The following CCT2 variants were observed in gnomAD, a reference collection of about 807,000 sequenced individuals.
CCT2 encodes T-complex protein 1 subunit beta.
CCT2 carries 18 observed loss-of-function variants against 61.8 expected under a neutral mutation model. The ratio of observed to expected loss-of-function variants is 0.29; its 90% CI spans 0.20 to 0.43. The LOEUF (loss-of-function observed/expected upper bound fraction) is 0.43, where lower values mean the gene tolerates loss of function less well. Among genes scored for constraint, CCT2 ranks in the 20% least tolerant of loss-of-function variants. The probability of loss-of-function intolerance (pLI) is 1.00; values close to 1 mark genes in which losing one functional copy is unlikely to be tolerated. For synonymous variants in CCT2, 248 were observed against 215.9 expected (o/e 1.15, Z -1.30); for missense variants, 556 against 656.9 (o/e 0.85, Z 1.68).
Position 69,591,218 on chromosome 12 carries a change from G to A in CCT2, c.650-841G>A, listed in dbSNP as rs928883955. Among the ~76,000 whole-genome samples, 4 of 152,246 alleles carry A rather than the reference G, an allele frequency of 2.6e-5. No individual in the cohort carries two copies. The East Asian group carries it at 7.7e-4, about 29-fold the overall frequency. On this transcript the variant is annotated intron_variant, in intron 7 of 15. Transcript: ENST00000299300. ...GAGTAGAAAACCCAAGATAATGGTG[G>A]CTTCATAATGGAAAAGTTTCTAATG...
chr12:69,593,493 A>G lies in CCT2; in HGVS notation c.879-17A>G, dbSNP rs576051656. 2.0e-6 allele frequency: 3 copies of G among 1,490,684 alleles called. No individual in the cohort carries two copies. The highest frequency in any genetic ancestry group is 2.8e-5 in the African/African-American group (2 of 72,546). The allele number at this position is 1,490,684 out of a possible 1,614,324, so 92.3% of individuals were successfully genotyped here. ...TAACAGTTGTGAGCATAATGTTTTC[A>G]TGTATTTTATTTACAGGCAATTAAT... is the stretch of plus-strand genomic sequence containing the variant. On this transcript the variant is annotated splice_polypyrimidine_tract_variant and intron_variant, in intron 9 of 15. Transcript: ENST00000299300.
intron 10 of CCT2, among the ~76,000 whole-genome samples, chr12:69,596,506 A>G (rs1881997947): frequency 6.6e-6 from 1 of 152,212 alleles, no homozygotes; most frequent in Admixed American, 6.5e-5. Flanking sequence ...GAAAATAGGA[A>G]TAGAAATGAG....
chr12:69,598,923 G>A (rs1440799046), intron 14 of CCT2, among the ~76,000 whole-genome samples: 1 of 150,822 alleles, frequency 6.6e-6, no homozygotes, highest in African/African-American at 2.5e-5. Flanking sequence ...TCCTGTCATT[G>A]AACAAGAGGG....
intron 10 of CCT2, among the ~76,000 whole-genome samples, chr12:69,596,010 A>G (rs556003767): frequency 1.7e-4 from 26 of 152,344 alleles, no homozygotes; most frequent in Middle Eastern, 3.4e-3. Context: ...AGGTTGTGCT[A>G]TGATGGTGCC....
chr12:69,600,712 T>C (rs1882124143), intron 15 of CCT2, among the ~76,000 whole-genome samples: 1 of 152,202 alleles, frequency 6.6e-6, no homozygotes, highest in South Asian at 2.1e-4. Context: ...GATCCCTGTA[T>C]AATGCTGTAC....
rs550429275 is a variant in CCT2, at chr12:69,592,273, T to C, written c.750+114T>C. On this transcript the variant is annotated intron_variant, in intron 8 of 15. Coordinates refer to ENST00000299300, the MANE Select transcript of CCT2 (RefSeq NM_006431.3). ...GGTGGATCATCTGAGATCAGAAGTT[T>C]GAGACCAGCCTGACCAACATGGAGA... The C allele has an allele frequency of 3.9e-5, 22 of 570,914 alleles. No individual in the cohort carries two copies. The African/African-American group carries it at 3.9e-4, about 10-fold the overall frequency. The allele number at this position is 570,914 out of a possible 1,614,324, so 35.4% of individuals were successfully genotyped here.
At chr12:69,585,627 C>G in intron 1 of CCT2, 103 bp downstream of exon 1, 2 of 1,545,214 alleles carry the variant, frequency 1.3e-6, no homozygotes, top group African/African-American at 1.4e-5. Flanking sequence ...CCGTTTCTGT[C>G]TCCCCGGCCC....
Position 69,597,254 on chromosome 12 carries a change from C to G in CCT2, c.1081C>G (p.His361Asp). 1.9e-6 allele frequency: 3 copies of G among 1,613,946 alleles called. No individual in the cohort carries two copies. The highest frequency in any genetic ancestry group is 2.5e-6 in the Non-Finnish European group (3 of 1,179,878). The part of the protein sequence containing the change: ...EVMIGEDKLI[H>D]FSGVALGEAC... ...CATGATTGGAGAAGACAAACTCATT[C>G]ACTTTTCTGGGGTTGCCCTTGGTGA... Residue 361 changes from histidine (H) to aspartate (D), a missense_variant, in exon 11 of 16, where the codon CAC (histidine) becomes GAC (aspartate). His to Asp is a moderately conservative substitution (Grantham distance 81). Transcript: ENST00000299300.
rs535414400 is a variant in CCT2, at chr12:69,599,112, G to A, written c.1435+691G>A. 2.5e-4 allele frequency among the ~76,000 whole-genome samples: 38 copies of A among 152,278 alleles called. No individual in the cohort carries two copies. In the South Asian group the frequency reaches 6.6e-3, roughly 27 times the overall value. ...TTACTATTATTATAACTGACACAAT[G>A]GTCTTGCTCTGTTCCCCAGGCTGGA... On this transcript the variant is annotated intron_variant, in intron 14 of 15. Transcript: ENST00000299300.
chr12:69,588,522 T>C (rs1404237042), intron 6 of CCT2: 27 of 294,814 alleles, frequency 9.2e-5, no homozygotes, highest in Non-Finnish European at 4.4e-5. Context: ...GTTAGCCTCT[T>C]TTTAACCTAG....
chr12:69,597,406 T>A, intron 11 of CCT2, 131 bp downstream of exon 11: 2 of 1,204,274 alleles, frequency 1.7e-6, no homozygotes, highest in Non-Finnish European at 2.4e-6. Flanking sequence ...ATACATACTT[T>A]GTTTCAGTCT....
chr12:69,585,639 C>G, intron 1 of CCT2, 115 bp downstream of exon 1: 2 of 1,544,386 alleles, frequency 1.3e-6, no homozygotes, highest in East Asian at 2.5e-5. Context: ...CCCCGGCCCT[C>G]CGCACATGGT....
At chr12:69,587,182 ACT>A (rs1237984120) in intron 3 of CCT2, 7 of 334,042 alleles carry the variant, frequency 2.1e-5, no homozygotes, top group Non-Finnish European at 3.2e-5. Context: ...AGTAGATAAC[ACT>A]GCCCCTTTAA....
At chr12:69,590,741 G>A (rs1370131747) in intron 7 of CCT2, among the ~76,000 whole-genome samples, 2 of 143,430 alleles carry the variant, frequency 1.4e-5, no homozygotes, top group African/African-American at 5.3e-5. Context: ...TTTTGAGACG[G>A]AGTCTGGCTG....
At position 69,586,962 on chromosome 12, in the gene CCT2, A is replaced by T. The variant is rs1011695387; in HGVS notation, c.144+144A>T. On this transcript the variant is annotated intron_variant, in intron 3 of 15. Transcript: ENST00000299300. ...GTATGTTCTCCTTAGTAAAAATCAG[A>T]GTCCCCAGAATCACCATCCCCAATC... 1.1e-5 allele frequency: 6 copies of T among 536,744 alleles called. No individual in the cohort carries two copies. The Admixed American group carries it at 1.4e-4, about 13-fold the overall frequency. 33.2% of individuals were successfully genotyped at this position (536,744 alleles called of 1,614,324 possible).
intron 8 of CCT2, 79 bp from the exon 9 acceptor site, chr12:69,592,897 C>T (rs1414393672): frequency 2.8e-6 from 4 of 1,420,332 alleles, no homozygotes; most frequent in Non-Finnish European, 3.8e-6. Flanking sequence ...CACTGCACTC[C>T]AGCCTGGGCA....
At position 69,593,528 on chromosome 12, in the gene CCT2, T is replaced by C; in HGVS notation, c.897T>C (p.Tyr299=). 1 of 1,610,248 alleles carries C rather than the reference T, an allele frequency of 6.2e-7. No individual in the cohort carries two copies. Among genetic ancestry groups the C allele is most frequent in the Non-Finnish European group, 8.5e-7 (1 of 1,177,042 alleles). Residue 299 remains tyrosine (Y), a synonymous_variant, in exon 10 of 16, where the codon TAT becomes TAC. Coordinates refer to ENST00000299300, the MANE Select transcript of CCT2 (RefSeq NM_006431.3). ...CFINRQLIYN[Y]PEQLFGAAGV... ...TTTACAGGCAATTAATTTATAATTA[T>C]CCTGAACAGCTCTTTGGTGCTGCTG...
In CCT2 at chr12:69,597,248, C is replaced by G; in HGVS notation, c.1075C>G (p.Leu359Val). 1 of 1,614,008 alleles carries G rather than the reference C, an allele frequency of 6.2e-7. No individual in the cohort carries two copies. The highest frequency in any genetic ancestry group is 8.5e-7 in the Non-Finnish European group (1 of 1,179,898). Residue 359 changes from leucine to valine, a missense_variant, in exon 11 of 16, where the codon CTC becomes GTC. Physicochemically the swap from Leu to Val is conservative, Grantham distance 32. Coordinates refer to ENST00000299300, the MANE Select transcript of CCT2 (RefSeq NM_006431.3). The part of the protein sequence containing the change: ...IEEVMIGEDK[L>V]IHFSGVALGE... The stretch of plus-strand genomic sequence containing the variant: ...GGAAGTCATGATTGGAGAAGACAAA[C>G]TCATTCACTTTTCTGGGGTTGCCCT...
At position 69,589,855 on chromosome 12, in the gene CCT2, T is replaced by C. The variant is rs930354234; in HGVS notation, c.649+168T>C. The C allele has an allele frequency of 4.5e-5, 27 of 603,348 alleles. 1 individual carries two copies. The South Asian group carries it at 5.2e-4, about 12-fold the overall frequency. 37.4% of individuals were successfully genotyped at this position (603,348 alleles called of 1,614,324 possible). ...TCATTTTATTGACAGTGTACTCCTC[T>C]TCCCGCGCTATTCCAGCATTGTTGA... On this transcript the variant is annotated intron_variant, in intron 7 of 15. Coordinates refer to ENST00000299300, the MANE Select transcript of CCT2 (RefSeq NM_006431.3).
Sources: gnomAD v4.1 joint callset for allele counts (sites outside exome capture counted in the v4.1 genomes callset) on GRCh38, gnomAD v4.1.1 for gene constraint, MANE v1.5 for transcripts, NCBI Gene and HGNC (gene_info 2026-07-23, HGNC 2026-07-21) for gene names.